VOPP1: variants seen among roughly 807,000 people sequenced by gnomAD.
The protein encoded by VOPP1 is VOPP1 WW domain binding protein, also known as WW domain binding protein VOPP1.
Under a neutral mutation model 23.5 loss-of-function variants are expected in VOPP1, and 8 were observed. The observed-to-expected ratio is 0.34, with a 90% CI of 0.20 to 0.61. The LOEUF (loss-of-function observed/expected upper bound fraction) is 0.61, where lower values mean the gene tolerates loss of function less well. VOPP1 is among the 20% of genes least tolerant of loss of function. The pLI, the probability that VOPP1 is intolerant of heterozygous loss-of-function variation, is 0.78. For synonymous variants in VOPP1, 83 were observed against 97.3 expected (o/e 0.85, Z 0.86); for missense variants, 174 against 238.1 (o/e 0.73, Z 1.77).
At chr7:55,487,825 A>G (rs1793255231) in intron 4 of VOPP1, among the ~76,000 whole-genome samples, 1 of 152,174 alleles carries the variant, frequency 6.6e-6, no homozygotes, top group Admixed American at 6.5e-5. Context: ...ACATTCAATC[A>G]CAGGGGCACC....
intron 4 of VOPP1, among the ~76,000 whole-genome samples, chr7:55,439,806 G>A (rs1291776887): frequency 6.6e-6 from 1 of 152,236 alleles, no homozygotes; most frequent in African/African-American, 2.4e-5. Flanking sequence ...TGCTGGGATT[G>A]AAGGCAGAAG....
intron 2 of VOPP1, among the ~76,000 whole-genome samples, chr7:55,518,969 G>T (rs1254601232): frequency 6.6e-6 from 1 of 152,210 alleles, no homozygotes; most frequent in Non-Finnish European, 1.5e-5. Context: ...ACTGGGAACA[G>T]AGGGGAGAAA....
chr7:55,501,044 A>C (rs1448106756), intron 2 of VOPP1, among the ~76,000 whole-genome samples: 7 of 152,246 alleles, frequency 4.6e-5, no homozygotes, highest in Non-Finnish European at 1.5e-5. Flanking sequence ...ACCCTTGGGC[A>C]AATGACAGGA....
chr7:55,536,220 T>C (rs1348384427), intron 1 of VOPP1, among the ~76,000 whole-genome samples: 1 of 152,154 alleles, frequency 6.6e-6, no homozygotes, highest in South Asian at 2.1e-4. Context: ...ACTGCCAGGA[T>C]ACATAGGCTG....
At chr7:55,437,697 A>C (rs1790865308) in intron 4 of VOPP1, among the ~76,000 whole-genome samples, 2 of 151,850 alleles carry the variant, frequency 1.3e-5, no homozygotes. Context: ...TTTCTTGAAC[A>C]CCTGTTATTT....
chr7:55,539,908 C>CACACAT (rs1797041553), intron 1 of VOPP1, among the ~76,000 whole-genome samples: 1 of 143,522 alleles, frequency 7.0e-6, no homozygotes, highest in South Asian at 2.2e-4. Context: ...TGCACACACA[C>CACACAT]ACACACACAC....
At chr7:55,484,850 G>A (rs996803597) in intron 4 of VOPP1, among the ~76,000 whole-genome samples, 1 of 152,102 alleles carries the variant, frequency 6.6e-6, no homozygotes, top group African/African-American at 2.4e-5. Context: ...GGGAAGACAC[G>A]TTCTTGCTGT....
chr7:55,450,025 G>T (rs901367674), intron 4 of VOPP1, among the ~76,000 whole-genome samples: 1 of 152,168 alleles, frequency 6.6e-6, no homozygotes, highest in Non-Finnish European at 1.5e-5. Context: ...CCCTCTGTCC[G>T]CATCTTACAT....
intron 1 of VOPP1, among the ~76,000 whole-genome samples, chr7:55,542,993 G>C (rs1797200171): frequency 1.3e-5 from 2 of 151,960 alleles, no homozygotes; most frequent in Admixed American, 1.3e-4. Context: ...TTGGCTCACT[G>C]CAAGCTCCAC....
At chr7:55,437,659 C>T (rs1455602250) in intron 4 of VOPP1, among the ~76,000 whole-genome samples, 1 of 152,124 alleles carries the variant, frequency 6.6e-6, no homozygotes, top group African/African-American at 2.4e-5. Flanking sequence ...TCTTTACTGC[C>T]TCCACCCACC....
intron 4 of VOPP1, among the ~76,000 whole-genome samples, chr7:55,445,308 C>A (rs1791075643): frequency 6.6e-6 from 1 of 151,676 alleles, no homozygotes; most frequent in Non-Finnish European, 1.5e-5. Context: ...CACATACCTG[C>A]TGCATCATTT....
intron 1 of VOPP1, among the ~76,000 whole-genome samples, chr7:55,544,317 T>A (rs140434754): frequency 1.3e-3 from 196 of 152,286 alleles, no homozygotes; most frequent in African/African-American, 4.6e-3. Flanking sequence ...GAAGAAAATA[T>A]GATGAAATTG....
chr7:55,567,927 C>G (rs1045573693), intron 1 of VOPP1, among the ~76,000 whole-genome samples: 2 of 152,046 alleles, frequency 1.3e-5, no homozygotes, highest in African/African-American at 4.8e-5. Context: ...TGGCAAGAGA[C>G]AAAAAACACT....
At chr7:55,455,189 A>T (rs1791336395) in intron 4 of VOPP1, among the ~76,000 whole-genome samples, 2 of 152,224 alleles carry the variant, frequency 1.3e-5, no homozygotes, top group Non-Finnish European at 2.9e-5. Flanking sequence ...CCATATCATG[A>T]GTGAACTCCC....
At chr7:55,547,671 T>C (rs1026966377) in intron 1 of VOPP1, among the ~76,000 whole-genome samples, 6 of 152,312 alleles carry the variant, frequency 3.9e-5, no homozygotes, top group African/African-American at 1.4e-4. Flanking sequence ...GTTTGGCCCA[T>C]GATAGCTTTG....
At chr7:55,504,117 T>TCTTC (rs1418834215) in intron 2 of VOPP1, among the ~76,000 whole-genome samples, 1 of 152,164 alleles carries the variant, frequency 6.6e-6, no homozygotes, top group Non-Finnish European at 1.5e-5. Context: ...CAAACCTTTC[T>TCTTC]CTTCACTAAG....
chr7:55,489,027 T>C (rs146890913), intron 4 of VOPP1, among the ~76,000 whole-genome samples: 70 of 152,362 alleles, frequency 4.6e-4, no homozygotes, highest in African/African-American at 1.6e-3. Flanking sequence ...AGCAGACAGC[T>C]GCAGCAGGGT....
chr7:55,456,179 G>A (rs1448900308), intron 4 of VOPP1, among the ~76,000 whole-genome samples: 2 of 152,140 alleles, frequency 1.3e-5, no homozygotes, highest in Non-Finnish European at 2.9e-5. Context: ...CATTTATGCA[G>A]CCAACAAACA....
At chr7:55,487,121 G>A (rs927620391) in intron 4 of VOPP1, among the ~76,000 whole-genome samples, 5 of 152,258 alleles carry the variant, frequency 3.3e-5, no homozygotes, top group South Asian at 2.1e-4. Flanking sequence ...TTGTGCTTGG[G>A]CTATGACTTG....
Sources: gnomAD v4.1 joint callset for allele counts (sites outside exome capture counted in the v4.1 genomes callset) on GRCh38, gnomAD v4.1.1 for gene constraint, MANE v1.5 for transcripts, NCBI Gene and HGNC (gene_info 2026-07-23, HGNC 2026-07-21) for gene names.